CELSR1: variants seen among roughly 807,000 people sequenced by gnomAD.
CELSR1 encodes cadherin EGF LAG seven-pass G-type receptor 1.
A neutral mutation model predicts 249.1 loss-of-function variants in CELSR1; 110 were observed. That is an observed-to-expected ratio of 0.44 (90% CI 0.38 to 0.52). The LOEUF (loss-of-function observed/expected upper bound fraction) is 0.52, where lower values mean the gene tolerates loss of function less well. Among genes scored for constraint, CELSR1 ranks in the 20% least tolerant of loss-of-function variants. The pLI, the probability that CELSR1 is intolerant of heterozygous loss-of-function variation, is 0.00. For missense variants in CELSR1, 4,109 were observed against 4,296.4 expected, an observed-to-expected ratio of 0.96 and a Z score of 1.22; for synonymous variants, 2,113 against 1,900.0, an observed-to-expected ratio of 1.11 and a Z score of -2.92.
At position 46,378,583 on chromosome 22, in the gene CELSR1, A is replaced by G; in HGVS notation, c.7383+8T>C. Reference sequence around the variant, plus strand: ...CAGAGGGCACAGTGGCCACGGGAGGATGCCCACCTCACGCCTGGAGATATC... The same window carrying G: ...CAGAGGGCACAGTGGCCACGGGAGGGTGCCCACCTCACGCCTGGAGATATC... On this transcript the variant is annotated splice_region_variant and intron_variant, in intron 23 of 34. Transcript: ENST00000674500. The G allele has an allele frequency of 1.3e-6, 2 of 1,558,106 alleles. No individual in the cohort carries two copies. Among genetic ancestry groups the G allele is most frequent in the Non-Finnish European group, 1.7e-6 (2 of 1,150,796 alleles).
At chr22:46,422,781 TGG>T (rs1555914366) in intron 5 of CELSR1, among the ~76,000 whole-genome samples, 12,229 of 135,158 alleles carry the variant, frequency 0.09, 1,092 homozygotes, top group African/African-American at 0.2. Context: ...AAAAAAAAAA[TGG>T]CTCATAGTCC....
intron 1 of CELSR1, among the ~76,000 whole-genome samples, chr22:46,479,770 A>G (rs1340901385): frequency 6.6e-6 from 1 of 152,206 alleles, no homozygotes; most frequent in Non-Finnish European, 1.5e-5. Context: ...GTTGCTATCA[A>G]AACAATAAGG....
Position 46,536,000 on chromosome 22 carries a change from G to T in CELSR1, c.1171C>A (p.Arg391Ser), listed in dbSNP as rs768031336. The change falls in exon 1 of 35, where the codon CGC becomes AGC. Residue 391 changes from arginine to serine, a missense_variant. Physicochemically the swap from Arg to Ser is moderately radical, Grantham distance 110. Around this residue, in one of 7 missense-constraint regions of CELSR1, gnomAD observed 673 missense variants for 636.8 expected, o/e 1.06. Transcript: ENST00000674500. The part of the protein sequence containing the change: ...DSPINANLRY[R>S]VLGGAWDVFQ... ...ACGTCCCACGCGCCCCCCAACACGC[G>T]GTAACGCAAGTTGGCGTTGATGGGC... 1 of 1,610,708 alleles carries T rather than the reference G, an allele frequency of 6.2e-7. No homozygotes were observed.
At chr22:46,476,368 G>A (rs1043875384) in intron 1 of CELSR1, among the ~76,000 whole-genome samples, 3 of 152,042 alleles carry the variant, frequency 2.0e-5, no homozygotes, top group Non-Finnish European at 4.4e-5. Context: ...GACCAAGGTG[G>A]GTGGATTGCC....
chr22:46,513,841 G>A (rs2080598489), intron 1 of CELSR1, among the ~76,000 whole-genome samples: 1 of 152,098 alleles, frequency 6.6e-6, no homozygotes, highest in South Asian at 2.1e-4. Context: ...GCCCAGGCTG[G>A]AGTGCAGTGG....
At position 46,411,112 on chromosome 22, in the gene CELSR1, T is replaced by C. The variant is rs2147333884; in HGVS notation, c.4769+490A>G. On this transcript the variant is annotated intron_variant, in intron 6 of 34. Transcript: ENST00000674500. This position sits in a 1 kb window ranked among gnomAD's most constrained non-coding sequence, Gnocchi z 4.2. ...TACTCGGGAGGCTGTGGCAGGAGGATGGCTTGAGTCCAGGAGGTCAAGGCT... is the reference window on the plus strand; with the variant it reads ...TACTCGGGAGGCTGTGGCAGGAGGACGGCTTGAGTCCAGGAGGTCAAGGCT... 6.6e-6 allele frequency among the ~76,000 whole-genome samples: 1 copy of C among 152,214 alleles called. No individual in the cohort carries two copies. Among genetic ancestry groups the C allele is most frequent in the African/African-American group, 2.4e-5 (1 of 41,532 alleles).
chr22:46,385,729 G>C (rs955575068), intron 19 of CELSR1, among the ~76,000 whole-genome samples: 7 of 149,844 alleles, frequency 4.7e-5, no homozygotes, highest in African/African-American at 1.5e-4. Flanking sequence ...CCAGGCTGGA[G>C]TGCAGTGGCA....
chr22:46,536,072 C>G lies in CELSR1; in HGVS notation c.1099G>C (p.Glu367Gln), dbSNP rs1304855558. The G allele has an allele frequency of 1.2e-6, 2 of 1,611,370 alleles. No individual in the cohort carries two copies. The highest frequency in any genetic ancestry group is 1.3e-5 in the African/African-American group (1 of 74,952). The part of the protein sequence containing the change: ...EYRERVRENL[E>Q]VGYEVLTIRA... ...ATGGTCAGCACCTCGTAGCCCACCT[C>G]CAGGTTCTCCCGCACGCGCTCGCGG... The change falls in exon 1 of 35, where the codon GAG becomes CAG. Residue 367 changes from glutamate to glutamine, a missense_variant. Transcript: ENST00000674500.
At chr22:46,479,901 C>T (rs899558743) in intron 1 of CELSR1, among the ~76,000 whole-genome samples, 22 of 152,150 alleles carry the variant, frequency 1.4e-4, no homozygotes, top group African/African-American at 4.8e-4. Context: ...CAAGTTGCTT[C>T]CTTTTCCTCC....
Position 46,384,474 on chromosome 22 carries a change from C to G in CELSR1, c.6883+69G>C, listed in dbSNP as rs2079011103. 6.7e-6 allele frequency: 10 copies of G among 1,503,546 alleles called. No individual in the cohort carries two copies. The South Asian group carries it at 1.3e-4, about 19-fold the overall frequency. 93.1% of individuals were successfully genotyped at this position (1,503,546 alleles called of 1,614,324 possible). A position where few individuals can be genotyped will look rare whatever the true frequency, so the allele number is the denominator to read the frequency against. On this transcript the variant is annotated intron_variant, in intron 20 of 34. Coordinates refer to ENST00000674500, the MANE Select transcript of CELSR1 (RefSeq NM_001378328.1). Reference sequence around the variant, plus strand: ...CAGTGCGCAGGTCCTGCGATGCCCGCAGCGGGGCCCTCCCCTCCCTGAACG... The same window carrying G: ...CAGTGCGCAGGTCCTGCGATGCCCGGAGCGGGGCCCTCCCCTCCCTGAACG...
rs1254229953 is a variant in CELSR1 at position 46,374,673 on chromosome 22, G to A, written c.7585-1616C>T. 1.3e-5 allele frequency among the ~76,000 whole-genome samples: 2 copies of A among 152,194 alleles called. No homozygotes were observed. The highest frequency in any genetic ancestry group is 2.9e-5 in the Non-Finnish European group (2 of 68,038). On this transcript the variant is annotated intron_variant, in intron 24 of 34. Coordinates refer to ENST00000674500, the MANE Select transcript of CELSR1 (RefSeq NM_001378328.1). The surrounding 1 kb of genome is among the most constrained non-coding windows in gnomAD (Gnocchi z 4.3). ...TCGCTGGGGTGTTGAGTTGCAGGGA[G>A]TGGCCTGCACCGACTCCCCTCTCCC...
intron 5 of CELSR1, among the ~76,000 whole-genome samples, chr22:46,419,260 A>G (rs1393636704): frequency 6.6e-6 from 1 of 152,146 alleles, no homozygotes; most frequent in Non-Finnish European, 1.5e-5. Context: ...GCCAATGACA[A>G]ATGAAGGGCC....
chr22:46,414,070 A>C lies in CELSR1; in HGVS notation c.4612-2311T>G, dbSNP rs547668323. Among the ~76,000 whole-genome samples, 11 of 152,336 alleles carry C rather than the reference A, an allele frequency of 7.2e-5. No individual in the cohort carries two copies. In the East Asian group the frequency reaches 1.7e-3, roughly 24 times the overall value. On this transcript the variant is annotated intron_variant, in intron 5 of 34. Transcript: ENST00000674500. ...TCAAGCAAAAAACAGCAGGATAAAGAAAGCTGGAGGCAAAAGACAAAGCCA... is the reference window on the plus strand; with the variant it reads ...TCAAGCAAAAAACAGCAGGATAAAGCAAGCTGGAGGCAAAAGACAAAGCCA...
chr22:46,534,341 C>T lies in CELSR1; in HGVS notation c.2830G>A (p.Glu944Lys). Residue 944 changes from glutamate to lysine, a missense_variant, in exon 1 of 35, where the codon GAG becomes AAG. Coordinates refer to ENST00000674500, the MANE Select transcript of CELSR1 (RefSeq NM_001378328.1). This position sits in a 1 kb window ranked among gnomAD's most constrained non-coding sequence, Gnocchi z 9.7. Reference protein sequence around the residue: ...GDDGDGDFYIEPTSGVIRTQR... With the variant: ...GDDGDGDFYIKPTSGVIRTQR... Reference sequence around the variant, plus strand: ...GTGCGAATCACACCGGACGTGGGCTCGATGTAGAAGTCCCCATCGCCGTCG... The same window carrying T: ...GTGCGAATCACACCGGACGTGGGCTTGATGTAGAAGTCCCCATCGCCGTCG... 2 of 1,612,958 alleles carry T rather than the reference C, an allele frequency of 1.2e-6. No individual in the cohort carries two copies. The highest frequency in any genetic ancestry group is 1.7e-6 in the Non-Finnish European group (2 of 1,180,030).
rs1602256132 is a variant in CELSR1, at chr22:46,536,546, A to G, written c.625T>C (p.Ser209Pro). 2 of 1,360,806 alleles carry G rather than the reference A, an allele frequency of 1.5e-6. No homozygotes were observed. The highest frequency in any genetic ancestry group is 3.1e-5 in the East Asian group (1 of 32,546). The allele number at this position is 1,360,806 out of a possible 1,614,324, so 84.3% of individuals were successfully genotyped here. The change falls in exon 1 of 35, where the codon TCC becomes CCC. Residue 209 changes from serine (S) to proline (P), a missense_variant. This residue lies in a region of CELSR1 where 673 missense variants were observed against 636.8 expected (regional missense o/e 1.06). Transcript: ENST00000674500. ...ALEAATAGTP[S>P]ASPSPSPPLP... ...GGCGGCGATGGGGATGGCGACGCGG[A>G]GGGCGTCCCCGCGGTGGCGGCCTCC...
intron 31 of CELSR1, 89 bp from the exon 32 acceptor site, chr22:46,365,469 A>T: frequency 6.4e-7 from 1 of 1,568,034 alleles, no homozygotes; most frequent in Non-Finnish European, 8.7e-7. Flanking sequence ...GGCCCCTGGC[A>T]TGCTGACGCT....
At chr22:46,373,678 G>A (rs1012364356) in intron 24 of CELSR1, among the ~76,000 whole-genome samples, 1 of 132,746 alleles carries the variant, frequency 7.5e-6, no homozygotes, top group African/African-American at 3.1e-5. Flanking sequence ...GGGGGAGATG[G>A]GGGAGATGGG....
rs1026991861 is a variant in CELSR1 at position 46,412,119 on chromosome 22, C to T, written c.4612-360G>A. 6.6e-6 allele frequency among the ~76,000 whole-genome samples: 1 copy of T among 152,202 alleles called. No individual in the cohort carries two copies. The highest frequency in any genetic ancestry group is 1.5e-5 in the Non-Finnish European group (1 of 68,040). ...AGGCACACAGGGAGAAGCTGCGTGACCGCGGAGGCAGCTGCTGGAGCAGCT... is the reference window on the plus strand; with the variant it reads ...AGGCACACAGGGAGAAGCTGCGTGATCGCGGAGGCAGCTGCTGGAGCAGCT... On this transcript the variant is annotated intron_variant, in intron 5 of 34. Transcript: ENST00000674500. This position sits in a 1 kb window ranked among gnomAD's most constrained non-coding sequence, Gnocchi z 4.5.
chr22:46,422,338 C>G (rs2079483935), intron 5 of CELSR1, among the ~76,000 whole-genome samples: 1 of 152,008 alleles, frequency 6.6e-6, no homozygotes, highest in South Asian at 2.1e-4. Context: ...GAACTCCTGA[C>G]TTCAAGTGAT....
Sources: allele counts gnomAD v4.1 joint callset (sites outside exome capture counted in the v4.1 genomes callset), GRCh38; gene constraint gnomAD v4.1.1; regional missense constraint gnomAD v4.1.1; non-coding constraint Gnocchi (gnomAD v3.1); transcripts MANE v1.5; gene names NCBI Gene and HGNC (gene_info 2026-07-23, HGNC 2026-07-21).